SEM1: variants seen among roughly 807,000 people sequenced by gnomAD.
SEM1 encodes 26S proteasome complex subunit SEM1.
In SEM1, 3 loss-of-function variants were observed where a neutral mutation model predicts 12.7. The observed-to-expected ratio is 0.24, with a 90% CI of 0.11 to 0.61. SEM1 has a LOEUF of 0.61. Among genes scored for constraint, SEM1 ranks in the 20% least tolerant of loss-of-function variants. SEM1 has a pLI of 0.88. For synonymous variants in SEM1, 30 were observed against 27.8 expected, an observed-to-expected ratio of 1.08 and a Z score of -0.25; for missense variants, 59 against 81.3, an observed-to-expected ratio of 0.73 and a Z score of 1.06.
chr7:96,659,579 T>G (rs1024293173), intron 2 of SEM1, among the ~76,000 whole-genome samples: 5 of 152,112 alleles, frequency 3.3e-5, no homozygotes, highest in African/African-American at 1.2e-4. Flanking sequence ...TAAACAACAT[T>G]ATTTGCATAA....
rs1189666554 is a variant in SEM1, at chr7:96,694,851, C to T, written c.117G>A (p.Trp39Ter). ...GLDEDEDAHV[W>*]EDNWDDDNVE... is the part of the protein sequence containing the mutation. ...CATTGTCATCATCCCAATTATCCTCCCAGACATGTGCATCTTCATCTTCAT... is the reference window on the plus strand; with the variant it reads ...CATTGTCATCATCCCAATTATCCTCTCAGACATGTGCATCTTCATCTTCAT... The change falls in exon 2 of 3, where the codon TGG (tryptophan) becomes TGA (stop). Residue 39 changes from tryptophan to a stop codon, truncating the protein, a stop_gained. Coordinates refer to ENST00000248566, the MANE Select transcript of SEM1 (RefSeq NM_006304.2). LOFTEE classifies it high-confidence loss of function. 6.2e-7 allele frequency: 1 copy of T among 1,611,260 alleles called. No individual in the cohort carries two copies. The highest frequency in any genetic ancestry group is 1.3e-5 in the African/African-American group (1 of 74,828).
chr7:96,511,781 T>G (rs1803942416), intron 2 of SEM1, among the ~76,000 whole-genome samples: 1 of 152,100 alleles, frequency 6.6e-6, no homozygotes, highest in African/African-American at 2.4e-5. Flanking sequence ...AAATAGTATT[T>G]TTTTGATTGC....
intron 2 of SEM1, among the ~76,000 whole-genome samples, chr7:96,597,215 T>C (rs190271876): frequency 1.3e-5 from 2 of 152,336 alleles, no homozygotes; most frequent in East Asian, 3.9e-4. Context: ...AGAAATGCTG[T>C]ATATGTCTTG....
intron 2 of SEM1, among the ~76,000 whole-genome samples, chr7:96,541,190 A>G (rs1201230507): frequency 1.3e-5 from 2 of 151,838 alleles, no homozygotes; most frequent in Non-Finnish European, 2.9e-5. Flanking sequence ...TGGCTGAACT[A>G]ATTTATATTT....
At chr7:96,530,395 A>G (rs898572584) in intron 2 of SEM1, among the ~76,000 whole-genome samples, 2 of 152,120 alleles carry the variant, frequency 1.3e-5, no homozygotes, top group Admixed American at 1.3e-4. Flanking sequence ...GGTCTCATCT[A>G]GGGAACATGG....
chr7:96,589,106 A>G (rs1049597956), intron 2 of SEM1, among the ~76,000 whole-genome samples: 1 of 152,204 alleles, frequency 6.6e-6, no homozygotes, highest in Non-Finnish European at 1.5e-5. Context: ...AGGTGTGGGA[A>G]CCGCACTGCT....
At chr7:96,645,977 T>C (rs929728455) in intron 2 of SEM1, 2 of 397,668 alleles carry the variant, frequency 5.0e-6, no homozygotes, top group African/African-American at 4.1e-5. Context: ...TATTTAGTCA[T>C]GTATAGTTTC....
chr7:96,594,176 C>T (rs1806924160), intron 2 of SEM1, among the ~76,000 whole-genome samples: 1 of 152,112 alleles, frequency 6.6e-6, no homozygotes, highest in Admixed American at 6.5e-5. Context: ...GCTGAATATT[C>T]TGTCTCCTGT....
intron 2 of SEM1, chr7:96,650,428 C>A (rs575591734): frequency 1.4e-6 from 1 of 714,628 alleles, no homozygotes; most frequent in Non-Finnish European, 2.5e-6. Context: ...ATGGGCACCT[C>A]GCCCAATGTG....
chr7:96,497,633 G>A (rs919902128), upstream of SEM1, among the ~76,000 whole-genome samples: 1 of 152,116 alleles, frequency 6.6e-6, no homozygotes, highest in African/African-American at 2.4e-5. Flanking sequence ...GGCTAAGATG[G>A]AGTAACGTGG....
At chr7:96,609,085 T>C (rs1270840973) in intron 2 of SEM1, among the ~76,000 whole-genome samples, 1 of 152,214 alleles carries the variant, frequency 6.6e-6, no homozygotes, top group Non-Finnish European at 1.5e-5. Flanking sequence ...TCCTGCTTTT[T>C]CACATCCTTG....
intron 2 of SEM1, among the ~76,000 whole-genome samples, chr7:96,587,895 A>G (rs755583781): frequency 2.0e-5 from 3 of 152,248 alleles, no homozygotes; most frequent in Non-Finnish European, 4.4e-5. Flanking sequence ...TTTAACACAT[A>G]CTATTGAACA....
intron 1 of SEM1, among the ~76,000 whole-genome samples, chr7:96,705,927 T>C (rs1790442771): frequency 6.6e-6 from 1 of 152,232 alleles, no homozygotes; most frequent in South Asian, 2.1e-4. Flanking sequence ...TCTAGACTTT[T>C]AAGTTGCCCT....
At chr7:96,510,232 T>C (rs2117295999) in intron 2 of SEM1, among the ~76,000 whole-genome samples, 1 of 152,260 alleles carries the variant, frequency 6.6e-6, no homozygotes, top group Non-Finnish European at 1.5e-5. Context: ...TGAAGTACAG[T>C]CATGTATCAC....
At chr7:96,611,429 T>G (rs544156022) in intron 2 of SEM1, among the ~76,000 whole-genome samples, 2 of 152,330 alleles carry the variant, frequency 1.3e-5, no homozygotes, top group African/African-American at 4.8e-5. Context: ...TAAAAAGGGC[T>G]GGCAAGTCCT....
chr7:96,506,881 T>C (rs982567676), intron 2 of SEM1, among the ~76,000 whole-genome samples: 9 of 152,134 alleles, frequency 5.9e-5, no homozygotes, highest in Non-Finnish European at 7.4e-5. Context: ...TCAACAGTAT[T>C]GTATATTAGT....
chr7:96,703,254 T>C (rs1790327488), intron 1 of SEM1, among the ~76,000 whole-genome samples: 1 of 152,180 alleles, frequency 6.6e-6, no homozygotes, highest in African/African-American at 2.4e-5. Context: ...GGATTTCAGA[T>C]TTGGGATGCT....
At chr7:96,670,701 A>G (rs547219867), downstream of SEM1, among the ~76,000 whole-genome samples, 9 of 152,350 alleles carry the variant, frequency 5.9e-5, no homozygotes, top group African/African-American at 2.2e-4. Context: ...AGGAAATTAT[A>G]TACTTCATTC....
chr7:96,605,532 A>G (rs1807324939), intron 2 of SEM1, among the ~76,000 whole-genome samples: 1 of 152,232 alleles, frequency 6.6e-6, no homozygotes, highest in East Asian at 1.9e-4. Flanking sequence ...AGCTCTCCAG[A>G]TATAGGCCAA....
Sources: allele counts gnomAD v4.1 joint callset (sites outside exome capture counted in the v4.1 genomes callset), GRCh38; gene constraint gnomAD v4.1.1; transcripts MANE v1.5; gene names NCBI Gene and HGNC (gene_info 2026-07-23, HGNC 2026-07-21).